ABCC4: variants seen among roughly 807,000 people sequenced by gnomAD.
ABCC4 encodes ATP-binding cassette sub-family C member 4.
A neutral mutation model predicts 168.5 loss-of-function variants in ABCC4; 102 were observed. That is an observed-to-expected ratio of 0.61 (90% CI 0.52 to 0.71). The LOEUF (loss-of-function observed/expected upper bound fraction) is 0.71, where lower values mean the gene tolerates loss of function less well. ABCC4 is among the 30% of genes least tolerant of loss of function. The pLI, the probability that ABCC4 is intolerant of heterozygous loss-of-function variation, is 0.00. For missense variants in ABCC4, 1,402 were observed against 1,605.8 expected (o/e 0.87, Z 2.17); for synonymous variants, 617 against 590.7 (o/e 1.04, Z -0.65).
At chr13:95,220,004 C>T (rs958954202) in intron 4 of ABCC4, among the ~76,000 whole-genome samples, 2 of 149,378 alleles carry the variant, frequency 1.3e-5, no homozygotes, top group Admixed American at 1.4e-4. Context: ...TACAGGCATG[C>T]GCCATCATGC....
chr13:95,225,041 T>C (rs1237497151), intron 4 of ABCC4, among the ~76,000 whole-genome samples: 1 of 151,760 alleles, frequency 6.6e-6, no homozygotes, highest in African/African-American at 2.4e-5. Flanking sequence ...ATGCAAAAAG[T>C]TCATGATTAA....
At chr13:95,159,678 G>A (rs1055985515) in intron 19 of ABCC4, among the ~76,000 whole-genome samples, 3 of 152,216 alleles carry the variant, frequency 2.0e-5, no homozygotes, top group South Asian at 2.1e-4. Context: ...CTGTAATAGC[G>A]CAGAGGTCCT....
At position 95,242,063 on chromosome 13, in the gene ABCC4, TA is replaced by T. The variant is rs1191190379; in HGVS notation, c.306+4911del. On this transcript the variant is annotated intron_variant, in intron 3 of 30. Transcript: ENST00000645237. ...TTGGCAACCTCCGGCATAAGTGGGT[TA>T]AAAAAGGCCTGAAAGTCATCACAGA... Among the ~76,000 whole-genome samples the T allele has an allele frequency of 3.9e-5, 6 of 152,120 alleles. No homozygotes were observed. The East Asian group carries it at 1.2e-3, about 29-fold the overall frequency.
intron 19 of ABCC4, among the ~76,000 whole-genome samples, chr13:95,154,830 T>C (rs943501781): frequency 3.3e-5 from 5 of 152,244 alleles, no homozygotes; most frequent in African/African-American, 1.2e-4. Flanking sequence ...ATTTTGACAG[T>C]GCTGAAATAT....
chr13:95,104,873 A>G (rs1045605006), intron 20 of ABCC4, among the ~76,000 whole-genome samples: 5 of 152,302 alleles, frequency 3.3e-5, no homozygotes, highest in Admixed American at 6.5e-5. Context: ...AAACAAGTGG[A>G]TTAGAACACA....
At chr13:95,284,849 C>T (rs987724170) in intron 1 of ABCC4, among the ~76,000 whole-genome samples, 3 of 152,120 alleles carry the variant, frequency 2.0e-5, no homozygotes, top group African/African-American at 2.4e-5. Flanking sequence ...ATAGTACCCA[C>T]CCCAAAGGTT....
At chr13:95,062,391 T>G (rs1490325001) in intron 26 of ABCC4, among the ~76,000 whole-genome samples, 1 of 152,086 alleles carries the variant, frequency 6.6e-6, no homozygotes, top group Non-Finnish European at 1.5e-5. Context: ...TCCCCAGTGC[T>G]AAACAAACAA....
intron 1 of ABCC4, among the ~76,000 whole-genome samples, chr13:95,293,469 C>T (rs577653160): frequency 8.6e-5 from 13 of 152,042 alleles, no homozygotes; most frequent in African/African-American, 2.4e-4. Flanking sequence ...GCTGGACACA[C>T]GGACTATGTT....
intron 4 of ABCC4, among the ~76,000 whole-genome samples, chr13:95,217,593 A>G (rs1403037173): frequency 6.6e-6 from 1 of 152,096 alleles, no homozygotes; most frequent in African/African-American, 2.4e-5. Flanking sequence ...TTAGCTGGGC[A>G]TGGTGGCGCA....
At chr13:95,287,458 G>T (rs1335173143) in intron 1 of ABCC4, among the ~76,000 whole-genome samples, 1 of 151,350 alleles carries the variant, frequency 6.6e-6, no homozygotes, top group Admixed American at 6.6e-5. Context: ...ATGGTGGCAG[G>T]CACCTGTAAT....
chr13:95,137,729 T>C (rs2036186925), intron 19 of ABCC4, among the ~76,000 whole-genome samples: 1 of 152,114 alleles, frequency 6.6e-6, no homozygotes, highest in African/African-American at 2.4e-5. Flanking sequence ...TAAAGCACGA[T>C]GTGGACAGGA....
In ABCC4 at chr13:95,186,752, T is replaced by C; in HGVS notation, c.1494A>G (p.Lys498=). The change falls in exon 11 of 31, where the codon AAA becomes AAG. Residue 498 remains lysine (K), a synonymous_variant. Transcript: ENST00000645237. ...TLRSNILFGK[K]YEKERYEKVI... ...CTTTTTCATATCGTTCCTTTTCGTA[T>C]TTCTTCCCAAATAAAATATTACTCC... The C allele has an allele frequency of 6.2e-7, 1 of 1,614,148 alleles. No individual in the cohort carries two copies. The highest frequency in any genetic ancestry group is 1.1e-5 in the South Asian group (1 of 91,072).
At chr13:95,029,213 TAGAGAGAG>T (rs1193218745) in intron 30 of ABCC4, among the ~76,000 whole-genome samples, 15 of 36,878 alleles carry the variant, frequency 4.1e-4, no homozygotes, top group African/African-American at 1.5e-3. Flanking sequence ...TATATATATA[TAGAGAGAG>T]AGAGAGAGAG....
At chr13:95,083,761 G>C (rs2034175151) in intron 20 of ABCC4, among the ~76,000 whole-genome samples, 1 of 152,088 alleles carries the variant, frequency 6.6e-6, no homozygotes, top group Non-Finnish European at 1.5e-5. Context: ...GATCTCAAGT[G>C]ATCTGCCCAC....
intron 25 of ABCC4, among the ~76,000 whole-genome samples, chr13:95,065,058 C>G (rs2033480159): frequency 6.6e-6 from 1 of 152,144 alleles, no homozygotes; most frequent in Non-Finnish European, 1.5e-5. Flanking sequence ...ATATGAAACT[C>G]AACATGATTA....
At chr13:95,163,434 T>C (rs970700633) in intron 17 of ABCC4, among the ~76,000 whole-genome samples, 176 bp downstream of exon 17, 1 of 152,062 alleles carries the variant, frequency 6.6e-6, no homozygotes, top group Non-Finnish European at 1.5e-5. Flanking sequence ...GGATCAGACA[T>C]GGGTGGAGAC....
intron 20 of ABCC4, among the ~76,000 whole-genome samples, chr13:95,091,809 A>C (rs535745236): frequency 2.6e-5 from 4 of 152,312 alleles, no homozygotes; most frequent in African/African-American, 9.6e-5. Context: ...ATACAACAGT[A>C]CCTCACATCT....
intron 3 of ABCC4, among the ~76,000 whole-genome samples, chr13:95,245,049 G>A (rs1053215799): frequency 7.2e-5 from 11 of 152,194 alleles, no homozygotes; most frequent in Admixed American, 3.9e-4. Flanking sequence ...AGAAATTCAC[G>A]CTTCTACAGC....
Position 95,222,602 on chromosome 13 carries a change from G to A in ABCC4, c.532-11821C>T, listed in dbSNP as rs533156464. 1.9e-3 allele frequency among the ~76,000 whole-genome samples: 290 copies of A among 152,308 alleles called. 2 individuals are homozygous for A. Among genetic ancestry groups the A allele is most frequent in the South Asian group, 0.016 (78 of 4,828 alleles). On this transcript the variant is annotated intron_variant, in intron 4 of 30. Coordinates refer to ENST00000645237, the MANE Select transcript of ABCC4 (RefSeq NM_005845.5). Reference sequence around the variant, plus strand: ...AAGGCCGCCCAAGCCTTAACAGAGAGCTGGTGCTGAGGAGGAGTGAGCTGA... The same window carrying A: ...AAGGCCGCCCAAGCCTTAACAGAGAACTGGTGCTGAGGAGGAGTGAGCTGA...
Sources: gnomAD v4.1 joint callset for allele counts (sites outside exome capture counted in the v4.1 genomes callset) on GRCh38, gnomAD v4.1.1 for gene constraint, MANE v1.5 for transcripts, NCBI Gene and HGNC (gene_info 2026-07-23, HGNC 2026-07-21) for gene names.